RGPD2: variants seen among roughly 807,000 people sequenced by gnomAD.
RGPD2 encodes the protein RANBP2 like and GRIP domain containing 2.
A neutral mutation model predicts 36.0 loss-of-function variants in RGPD2; 2 were observed. The ratio of observed to expected loss-of-function variants is 0.06; its 90% CI spans 0.02 to 0.17. RGPD2 has a LOEUF of 0.17. Ranked by LOEUF, RGPD2 falls within the 10% of genes least tolerant of loss-of-function variation. The probability of loss-of-function intolerance (pLI) is 1.00; values close to 1 mark genes in which losing one functional copy is unlikely to be tolerated. For synonymous variants in RGPD2, 19 were observed against 163.8 expected (o/e 0.12, Z 6.75); for missense variants, 40 against 464.3 (o/e 0.09, Z 8.40).
chr2:87,805,873 G>GGCCAGGCAC (rs1685934456), intron 7 of RGPD2, among the ~76,000 whole-genome samples: 1 of 113,536 alleles, frequency 8.8e-6, no homozygotes, highest in Non-Finnish European at 1.8e-5. Flanking sequence ...AAAAAAAAAA[G>GGCCAGGCAC]GCCAGGCACG....
the RGPD2 span, among the ~76,000 whole-genome samples, chr2:87,948,762 A>G: frequency 8.7e-6 from 1 of 115,504 alleles, no homozygotes; most frequent in Non-Finnish European, 1.8e-5. Flanking sequence ...CTTGTTGGGT[A>G]TCTGCCCTCA....
the RGPD2 span, among the ~76,000 whole-genome samples, chr2:87,913,287 A>T: frequency 6.7e-6 from 1 of 148,714 alleles, no homozygotes; most frequent in Non-Finnish European, 1.5e-5. Flanking sequence ...GCAAACTATC[A>T]CAAGGACAAA....
chr2:87,985,830 C>A, the RGPD2 span: 1 of 1,611,222 alleles, frequency 6.2e-7, no homozygotes, highest in Non-Finnish European at 8.5e-7. Flanking sequence ...TACTGGAGCA[C>A]TGTGGACATT....
the RGPD2 span, among the ~76,000 whole-genome samples, chr2:87,864,520 G>A: frequency 6.6e-6 from 1 of 152,256 alleles, no homozygotes; most frequent in Non-Finnish European, 1.5e-5. Context: ...CTCAACCTCT[G>A]TGATTGTGTA....
intron 1 of RGPD2, chr2:87,825,237 C>T (rs890951469): frequency 3.3e-5 from 13 of 395,176 alleles, no homozygotes; most frequent in African/African-American, 2.5e-4. Context: ...TAATTACCAC[C>T]CAACAATGAC....
chr2:87,843,593 A>T, the RGPD2 span, among the ~76,000 whole-genome samples: 3 of 147,346 alleles, frequency 2.0e-5, no homozygotes, highest in Non-Finnish European at 1.5e-5. Flanking sequence ...GAGAAATAGG[A>T]ACACTTTTAC....
intron 6 of RGPD2, among the ~76,000 whole-genome samples, chr2:87,809,568 C>T: frequency 1.4e-5 from 2 of 138,576 alleles, no homozygotes; most frequent in Non-Finnish European, 3.2e-5. Flanking sequence ...ACTCAGGAGG[C>T]TGAGGCAGAA....
the RGPD2 span, among the ~76,000 whole-genome samples, chr2:87,836,083 A>G: frequency 6.6e-6 from 1 of 152,050 alleles, no homozygotes; most frequent in African/African-American, 2.4e-5. Context: ...ATTTTCATCA[A>G]CATTACTATA....
At chr2:87,935,320 A>G in the RGPD2 span, among the ~76,000 whole-genome samples, 1 of 151,574 alleles carries the variant, frequency 6.6e-6, no homozygotes, top group East Asian at 1.9e-4. Context: ...TTCCATGAAA[A>G]AAAAACAACA....
chr2:87,973,743 G>A, the RGPD2 span, among the ~76,000 whole-genome samples: 1 of 149,522 alleles, frequency 6.7e-6, no homozygotes, highest in East Asian at 2.0e-4. Context: ...GTTACTTTGA[G>A]TTCCTACTGA....
chr2:87,971,465 A>ATATAATATGAATATTATATATAAATC, the RGPD2 span, among the ~76,000 whole-genome samples: 1 of 126,918 alleles, frequency 7.9e-6, no homozygotes, highest in African/African-American at 2.9e-5. Context: ...ATATATAAAT[A>ATATAATATGAATATTATATATAAATC]TATATATAAT....
chr2:87,985,886 A>G, the RGPD2 span: 1 of 1,605,186 alleles, frequency 6.2e-7, no homozygotes, highest in Non-Finnish European at 8.5e-7. Flanking sequence ...TTGGCAGGAT[A>G]AACTTAATTG....
the RGPD2 span, among the ~76,000 whole-genome samples, chr2:87,974,565 A>G: frequency 6.6e-6 from 1 of 152,172 alleles, no homozygotes; most frequent in Admixed American, 6.5e-5. Flanking sequence ...ACATACCTTG[A>G]GTGGTATCAT....
the RGPD2 span, among the ~76,000 whole-genome samples, chr2:87,974,021 G>A: frequency 1.3e-5 from 2 of 152,124 alleles, no homozygotes; most frequent in African/African-American, 4.8e-5. Flanking sequence ...GGGTCACTGT[G>A]TTTCACAACT....
chr2:87,842,129 A>T, the RGPD2 span, among the ~76,000 whole-genome samples: 5 of 152,216 alleles, frequency 3.3e-5, no homozygotes, highest in Admixed American at 3.3e-4. Flanking sequence ...AACTGGAAGC[A>T]TTCCCTTTGA....
At chr2:87,966,413 G>A in the RGPD2 span, among the ~76,000 whole-genome samples, 1 of 147,962 alleles carries the variant, frequency 6.8e-6, no homozygotes, top group Non-Finnish European at 1.5e-5. Context: ...ACTAAGGGAT[G>A]GTGAAAATAG....
At chr2:87,977,865 C>G in the RGPD2 span, among the ~76,000 whole-genome samples, 4 of 152,076 alleles carry the variant, frequency 2.6e-5, no homozygotes, top group African/African-American at 9.7e-5. Flanking sequence ...CCTGTAATCC[C>G]AAAACTTTGG....
chr2:87,984,358 A>G, the RGPD2 span, among the ~76,000 whole-genome samples: 3 of 152,120 alleles, frequency 2.0e-5, no homozygotes, highest in Non-Finnish European at 4.4e-5. Flanking sequence ...AAGAGTCGTG[A>G]AAAAGGATGT....
the RGPD2 span, among the ~76,000 whole-genome samples, chr2:87,841,043 A>G: frequency 6.6e-6 from 1 of 152,044 alleles, no homozygotes; most frequent in South Asian, 2.1e-4. Context: ...CAGTTGATAT[A>G]GTTTGGGTGT....
Sources: gnomAD v4.1 joint callset for allele counts (sites outside exome capture counted in the v4.1 genomes callset) on GRCh38, gnomAD v4.1.1 for gene constraint, MANE v1.5 for transcripts, NCBI Gene and HGNC (gene_info 2026-07-23, HGNC 2026-07-21) for gene names.